RIMBP2: variants seen among roughly 807,000 people sequenced by gnomAD.
The protein encoded by RIMBP2 is RIMS-binding protein 2.
In RIMBP2, 48 loss-of-function variants were observed where a neutral mutation model predicts 118.6. That is an observed-to-expected ratio of 0.40 (90% CI 0.32 to 0.51). RIMBP2 has a LOEUF of 0.51. Among genes scored for constraint, RIMBP2 ranks in the 20% least tolerant of loss-of-function variants. The probability of loss-of-function intolerance (pLI) is 0.41; values close to 1 mark genes in which losing one functional copy is unlikely to be tolerated. For missense variants in RIMBP2, 1,551 were observed against 1,768.3 expected (o/e 0.88, Z 2.20); for synonymous variants, 762 against 742.9 (o/e 1.03, Z -0.42).
At chr12:130,550,171 C>G (rs775267805) in intron 2 of RIMBP2, among the ~76,000 whole-genome samples, 1 of 152,146 alleles carries the variant, frequency 6.6e-6, no homozygotes, top group African/African-American at 2.4e-5. Context: ...CATGAGTGAG[C>G]GTGTTTGTCC....
chr12:130,536,091 A>G (rs528350391), intron 2 of RIMBP2, among the ~76,000 whole-genome samples: 10 of 152,264 alleles, frequency 6.6e-5, no homozygotes, highest in Admixed American at 3.9e-4. Context: ...GCCCAGTTGC[A>G]GCATTATTTT....
chr12:130,666,110 G>T (rs2063904501), intron 1 of RIMBP2, among the ~76,000 whole-genome samples: 1 of 152,028 alleles, frequency 6.6e-6, no homozygotes, highest in Admixed American at 6.5e-5. Flanking sequence ...CATTTTTTTG[G>T]TAAGTGTGAA....
At chr12:130,715,658 G>A (rs1950276041) in intron 1 of RIMBP2, among the ~76,000 whole-genome samples, 1 of 152,230 alleles carries the variant, frequency 6.6e-6, no homozygotes, top group Admixed American at 6.5e-5. Context: ...CAGTCCATGG[G>A]ACGTGAATTG....
rs114429520 is a variant in RIMBP2, at chr12:130,688,493, C to T, written c.-352+27729G>A. 2.8e-3 allele frequency among the ~76,000 whole-genome samples: 419 copies of T among 152,268 alleles called. 2 individuals are homozygous for T. Among genetic ancestry groups the T allele is most frequent in the African/African-American group, 9.1e-3 (380 of 41,570 alleles). ...GTGAACATACACACCACTGTCCCTC[C>T]GTGGGGGCGGCCATGTGACCAAGAG... On this transcript the variant is annotated intron_variant, in intron 1 of 22. Coordinates refer to ENST00000690449, the MANE Select transcript of RIMBP2 (RefSeq NM_001393629.1). The surrounding 1 kb of genome is among the most constrained non-coding windows in gnomAD (Gnocchi z 4.7).
rs1444853324 is a variant in RIMBP2, at chr12:130,620,602, T to C, written c.-217+7720A>G. 6.6e-6 allele frequency among the ~76,000 whole-genome samples: 1 copy of C among 152,208 alleles called. No homozygotes were observed. Among genetic ancestry groups the C allele is most frequent in the Non-Finnish European group, 1.5e-5 (1 of 68,044 alleles). ...TGCTCCTCAGGTCACAGGCAGGCTC[T>C]GCCCGTGCCTGTCCCCGGCTTCTGT... On this transcript the variant is annotated intron_variant, in intron 2 of 22. Coordinates refer to ENST00000690449, the MANE Select transcript of RIMBP2 (RefSeq NM_001393629.1). The surrounding 1 kb of genome is among the most constrained non-coding windows in gnomAD (Gnocchi z 5.3).
chr12:130,524,930 C>T (rs1035021297), intron 2 of RIMBP2, among the ~76,000 whole-genome samples: 3 of 152,248 alleles, frequency 2.0e-5, no homozygotes, highest in South Asian at 2.1e-4. Context: ...GGGGCACGTT[C>T]GGTTGCGCTG....
Position 130,446,713 on chromosome 12 carries a change from G to T in RIMBP2, c.582-1444C>A, listed in dbSNP as rs1270652021. On this transcript the variant is annotated intron_variant, in intron 9 of 22. Coordinates refer to ENST00000690449, the MANE Select transcript of RIMBP2 (RefSeq NM_001393629.1). The surrounding 1 kb of genome is among the most constrained non-coding windows in gnomAD (Gnocchi z 4.1). The stretch of plus-strand genomic sequence containing the variant: ...GGAGGAGAGAGATGAGGTTGGCAGG[G>T]ACCAGACTGGTTTTAACCTGATCTC... Among the ~76,000 whole-genome samples, 1 of 152,204 alleles carries T rather than the reference G, an allele frequency of 6.6e-6. No individual in the cohort carries two copies. Among genetic ancestry groups the T allele is most frequent in the Non-Finnish European group, 1.5e-5 (1 of 68,044 alleles).
At chr12:130,444,491 T>C (rs577232679) in intron 10 of RIMBP2, among the ~76,000 whole-genome samples, 16 of 152,206 alleles carry the variant, frequency 1.1e-4, no homozygotes, top group Non-Finnish European at 2.2e-4. Context: ...ACCACGCTAT[T>C]TGTCCAGGGC....
rs1002587008 is a variant in RIMBP2, at chr12:130,397,347, C to T, written c.*14G>A. ...AAATTACATAGATTTGGCAGTTGTCCGGAAGCACATGAATCATTTCACTGC... is the reference window on the plus strand; with the variant it reads ...AAATTACATAGATTTGGCAGTTGTCTGGAAGCACATGAATCATTTCACTGC... On this transcript the variant is annotated 3_prime_UTR_variant, in exon 23 of 23. Transcript: ENST00000690449. 8 of 398,770 alleles carry T rather than the reference C, an allele frequency of 2.0e-5. No individual in the cohort carries two copies. The highest frequency in any genetic ancestry group is 4.1e-5 in the African/African-American group (2 of 48,602). The allele number at this position is 398,770 out of a possible 1,614,324, so 24.7% of individuals were successfully genotyped here.
intron 1 of RIMBP2, among the ~76,000 whole-genome samples, chr12:130,674,441 G>A (rs1178526729): frequency 2.0e-5 from 3 of 152,150 alleles, no homozygotes; most frequent in African/African-American, 7.2e-5. Flanking sequence ...GCAGAGCAGG[G>A]CTGCTTCCTG....
At chr12:130,495,310 C>G (rs1001161117) in intron 4 of RIMBP2, among the ~76,000 whole-genome samples, 5 of 152,230 alleles carry the variant, frequency 3.3e-5, no homozygotes, top group Non-Finnish European at 7.3e-5. Flanking sequence ...ATCAGCCACG[C>G]TGGTACATGC....
In RIMBP2 at chr12:130,464,817, C is replaced by T. The variant is rs527259349; in HGVS notation, c.153+5876G>A. On this transcript the variant is annotated intron_variant, in intron 6 of 22. Transcript: ENST00000690449. ...CTCACCCACACATTCCCCTAACACACTCACTGGCCCAGGGGTCACCCAGCC... is the reference window on the plus strand; with the variant it reads ...CTCACCCACACATTCCCCTAACACATTCACTGGCCCAGGGGTCACCCAGCC... 5.3e-5 allele frequency among the ~76,000 whole-genome samples: 8 copies of T among 152,374 alleles called. No homozygotes were observed. In the South Asian group the frequency reaches 1.7e-3, roughly 32 times the overall value.
intron 1 of RIMBP2, among the ~76,000 whole-genome samples, chr12:130,666,934 G>A (rs2063944442): frequency 9.0e-6 from 1 of 110,678 alleles, no homozygotes; most frequent in Non-Finnish European, 1.9e-5. Context: ...GGGAAAGAAG[G>A]AAAAAAGGGA....
chr12:130,634,200 G>C (rs887939553), intron 1 of RIMBP2, among the ~76,000 whole-genome samples: 1 of 152,144 alleles, frequency 6.6e-6, no homozygotes, highest in Non-Finnish European at 1.5e-5. Flanking sequence ...CTCTCCTGGA[G>C]ATGCATGACA....
intron 1 of RIMBP2, among the ~76,000 whole-genome samples, chr12:130,634,678 A>C (rs369054362): frequency 1.2e-4 from 18 of 151,496 alleles, no homozygotes; most frequent in African/African-American, 4.4e-4. Flanking sequence ...TGCAGCCTCG[A>C]CCTCCCAGCT....
rs1272420829 is a variant in RIMBP2 at position 130,623,246 on chromosome 12, A to C, written c.-217+5076T>G. Among the ~76,000 whole-genome samples the C allele has an allele frequency of 6.6e-6, 1 of 152,184 alleles. No individual in the cohort carries two copies. Among genetic ancestry groups the C allele is most frequent in the Non-Finnish European group, 1.5e-5 (1 of 68,036 alleles). ...TATATTTCAACACTTATACAAATAG[A>C]AGCACTTTTATTTTACTTTAAGTTC... On this transcript the variant is annotated intron_variant, in intron 2 of 22. Coordinates refer to ENST00000690449, the MANE Select transcript of RIMBP2 (RefSeq NM_001393629.1). This position sits in a 1 kb window ranked among gnomAD's most constrained non-coding sequence, Gnocchi z 4.1.
rs2076623090 is a variant in RIMBP2, at chr12:130,424,332, G to A, written c.2939C>T (p.Pro980Leu). The part of the protein sequence containing the change: ...VEEDFGEQVG[P>L]GGLLRNDDPQ... ...GTCGTCGTTCCTGAGGAGGCCACCA[G>A]GGCCCACCTGCTCCCCAAAGTCCTC... is the stretch of plus-strand genomic sequence containing the variant. The change falls in exon 16 of 23, where the codon CCT becomes CTT. Residue 980 changes from proline (P) to leucine (L), a missense_variant. Transcript: ENST00000690449. This position sits in a 1 kb window ranked among gnomAD's most constrained non-coding sequence, Gnocchi z 9.8. 8.1e-7 allele frequency: 1 copy of A among 1,231,868 alleles called. No homozygotes were observed. Among genetic ancestry groups the A allele is most frequent in the Non-Finnish European group, 1.0e-6 (1 of 987,878 alleles). The allele number at this position is 1,231,868 out of a possible 1,614,324, so 76.3% of individuals were successfully genotyped here. A position where few individuals can be genotyped will look rare whatever the true frequency, so the allele number is the denominator to read the frequency against.
chr12:130,649,108 G>A (rs1444467653), intron 1 of RIMBP2, among the ~76,000 whole-genome samples: 2 of 145,916 alleles, frequency 1.4e-5, no homozygotes, highest in African/African-American at 4.9e-5. Flanking sequence ...CGGCCGATAG[G>A]CTCAGTCGGA....
At position 130,424,250 on chromosome 12, in the gene RIMBP2, G is replaced by A. The variant is rs564784854; in HGVS notation, c.3021C>T (p.Thr1007=). The change falls in exon 16 of 23, where the codon ACC becomes ACT. Residue 1007 remains threonine (T), a synonymous_variant. Coordinates refer to ENST00000690449, the MANE Select transcript of RIMBP2 (RefSeq NM_001393629.1). The surrounding 1 kb of genome is among the most constrained non-coding windows in gnomAD (Gnocchi z 9.8). ...PPRKHGWGEP[T]EHQDFRGVWK... is the part of the protein sequence containing the mutation. ...AGACACCCCGAAAATCTTGGTGCTC[G>A]GTGGGCTCGCCCCAGCCGTGCTTCC... The A allele has an allele frequency of 1.2e-4, 148 of 1,231,928 alleles. No homozygotes were observed. Among genetic ancestry groups the A allele is most frequent in the African/African-American group, 1.1e-3 (73 of 64,522 alleles). The allele number at this position is 1,231,928 out of a possible 1,614,324, so 76.3% of individuals were successfully genotyped here.
Sources: gnomAD v4.1 joint callset for allele counts (sites outside exome capture counted in the v4.1 genomes callset) on GRCh38, gnomAD v4.1.1 for gene constraint, Gnocchi (gnomAD v3.1) non-coding constraint, MANE v1.5 for transcripts, NCBI Gene and HGNC (gene_info 2026-07-23, HGNC 2026-07-21) for gene names.